EDIL3: variants seen among roughly 807,000 people sequenced by gnomAD.
EDIL3 encodes the protein EGF-like repeat and discoidin I-like domain-containing protein 3.
EDIL3 carries 37 observed loss-of-function variants against 67.4 expected under a neutral mutation model. The ratio of observed to expected loss-of-function variants is 0.55; its 90% CI spans 0.42 to 0.72. The LOEUF (loss-of-function observed/expected upper bound fraction) is 0.72, where lower values mean the gene tolerates loss of function less well. EDIL3 is among the 30% of genes least tolerant of loss of function. EDIL3 has a pLI of 0.00. For missense variants in EDIL3, 527 were observed against 586.3 expected (o/e 0.90, Z 1.04); for synonymous variants, 195 against 196.3 (o/e 0.99, Z 0.05).
At chr5:84,062,762 G>T (rs1746568787) in intron 8 of EDIL3, among the ~76,000 whole-genome samples, 1 of 152,018 alleles carries the variant, frequency 6.6e-6, no homozygotes, top group African/African-American at 2.4e-5. Context: ...TGGATTGTGG[G>T]GAGTAGTTTG....
At chr5:84,379,005 A>G (rs1163508781) in intron 1 of EDIL3, among the ~76,000 whole-genome samples, 1 of 152,156 alleles carries the variant, frequency 6.6e-6, no homozygotes, top group Non-Finnish European at 1.5e-5. Context: ...CCTATTTGCC[A>G]TATAACAAGG....
At chr5:84,130,617 G>A (rs115900803) in intron 5 of EDIL3, among the ~76,000 whole-genome samples, 4,479 of 152,084 alleles carry the variant, frequency 0.029, 179 homozygotes, top group East Asian at 0.098. Context: ...GGATAGGGAA[G>A]AGTAGGAATT....
intron 5 of EDIL3, among the ~76,000 whole-genome samples, chr5:84,134,514 A>G (rs1411578539): frequency 3.3e-5 from 5 of 152,168 alleles, no homozygotes; most frequent in Admixed American, 2.6e-4. Flanking sequence ...AGCAGCTTAG[A>G]GCTGGTACCA....
intron 10 of EDIL3, among the ~76,000 whole-genome samples, chr5:83,959,108 T>C (rs1053784792): frequency 1.3e-5 from 2 of 150,638 alleles, no homozygotes; most frequent in African/African-American, 4.9e-5. Context: ...GAACAGAGTA[T>C]TATTTTTCTT....
chr5:84,125,689 C>T (rs191809292), intron 5 of EDIL3, among the ~76,000 whole-genome samples: 1 of 152,034 alleles, frequency 6.6e-6, no homozygotes, highest in Non-Finnish European at 1.5e-5. Flanking sequence ...CGGAGTGATC[C>T]CCATTACTTT....
At chr5:84,039,287 T>G (rs1746078170) in intron 9 of EDIL3, among the ~76,000 whole-genome samples, 1 of 152,034 alleles carries the variant, frequency 6.6e-6, no homozygotes, top group Non-Finnish European at 1.5e-5. Flanking sequence ...TTATGCTGAG[T>G]TCCTATATAA....
chr5:84,318,968 C>T (rs1746569555), intron 1 of EDIL3, among the ~76,000 whole-genome samples: 1 of 152,070 alleles, frequency 6.6e-6, no homozygotes, highest in Non-Finnish European at 1.5e-5. Flanking sequence ...AAGAAGAAAA[C>T]AACCCCATCA....
At position 84,064,967 on chromosome 5, in the gene EDIL3, A is replaced by C. The variant is rs1469841932; in HGVS notation, c.808-123T>G. 90 of 1,271,600 alleles carry C rather than the reference A, an allele frequency of 7.1e-5. 1 individual carries two copies. The East Asian group carries it at 2.4e-3, about 34-fold the overall frequency. The allele number at this position is 1,271,600 out of a possible 1,614,324, so 78.8% of individuals were successfully genotyped here. On this transcript the variant is annotated intron_variant, in intron 7 of 10. Coordinates refer to ENST00000296591, the MANE Select transcript of EDIL3 (RefSeq NM_005711.5). ...AGAACAGATTACATTATTTGGGAGC[A>C]TGGAGCATTTGAGAAGTGCCTTGCC... is the stretch of plus-strand genomic sequence containing the variant.
chr5:84,180,631 T>C, intron 3 of EDIL3, 110 bp from the exon 4 acceptor site: 1 of 1,245,322 alleles, frequency 8.0e-7, no homozygotes, highest in South Asian at 1.9e-5. Context: ...TAGATATTAG[T>C]GGCATAGTAA....
At chr5:84,321,187 A>G (rs1033985127) in intron 1 of EDIL3, among the ~76,000 whole-genome samples, 7 of 152,148 alleles carry the variant, frequency 4.6e-5, no homozygotes, top group Non-Finnish European at 8.8e-5. Flanking sequence ...CTGGAAATAA[A>G]TAATTTAGGA....
At chr5:84,154,693 C>CTTTTT (rs397881707) in intron 4 of EDIL3, among the ~76,000 whole-genome samples, 5 of 92,284 alleles carry the variant, frequency 5.4e-5, no homozygotes, top group East Asian at 3.6e-4. Context: ...TCTGCTTCTG[C>CTTTTT]TTTTTTTTTT....
At chr5:84,363,670 G>A (rs1304737627) in intron 1 of EDIL3, among the ~76,000 whole-genome samples, 1 of 152,064 alleles carries the variant, frequency 6.6e-6, no homozygotes, top group East Asian at 1.9e-4. Context: ...GAAATTTTGG[G>A]TCACAGAAAC....
At chr5:84,382,442 A>G (rs2112227040) in intron 1 of EDIL3, among the ~76,000 whole-genome samples, 1 of 152,132 alleles carries the variant, frequency 6.6e-6, no homozygotes, top group East Asian at 1.9e-4. Flanking sequence ...GCGCGGCCAC[A>G]TAGGCTAGAC....
chr5:84,373,568 T>A (rs1367990746), intron 1 of EDIL3, among the ~76,000 whole-genome samples: 2 of 152,106 alleles, frequency 1.3e-5, no homozygotes, highest in African/African-American at 2.4e-5. Context: ...AAAAAAGACT[T>A]TAGAAATTAT....
intron 1 of EDIL3, among the ~76,000 whole-genome samples, chr5:84,325,064 T>C (rs993789571): frequency 6.6e-6 from 1 of 151,826 alleles, no homozygotes; most frequent in African/African-American, 2.4e-5. Flanking sequence ...TTCACAACAT[T>C]GGATTTGGCA....
chr5:84,280,177 ATCCC>A (rs756336624), intron 1 of EDIL3, among the ~76,000 whole-genome samples: 3 of 152,206 alleles, frequency 2.0e-5, no homozygotes, highest in Non-Finnish European at 4.4e-5. Flanking sequence ...CAGGAATCAT[ATCCC>A]TCATTGCCCT....
At chr5:84,010,505 T>C (rs1365287281) in intron 9 of EDIL3, among the ~76,000 whole-genome samples, 2 of 152,148 alleles carry the variant, frequency 1.3e-5, no homozygotes, top group Non-Finnish European at 2.9e-5. Context: ...CCAGTACAGG[T>C]TCTATTTCCT....
intron 1 of EDIL3, among the ~76,000 whole-genome samples, chr5:84,266,464 T>C (rs1370497764): frequency 6.6e-6 from 1 of 152,228 alleles, no homozygotes; most frequent in Non-Finnish European, 1.5e-5. Flanking sequence ...TTGAATTCTC[T>C]ACACAGTTTT....
intron 1 of EDIL3, among the ~76,000 whole-genome samples, chr5:84,336,465 T>C (rs1432964527): frequency 6.6e-6 from 1 of 152,082 alleles, no homozygotes; most frequent in Non-Finnish European, 1.5e-5. Context: ...TAGAGGAGGC[T>C]GAAACATGAG....
Sources: allele counts gnomAD v4.1 joint callset (sites outside exome capture counted in the v4.1 genomes callset), GRCh38; gene constraint gnomAD v4.1.1; transcripts MANE v1.5; gene names NCBI Gene and HGNC (gene_info 2026-07-23, HGNC 2026-07-21).